Variants in ERC2 observed in about 807,000 individuals in gnomAD.
The protein encoded by ERC2 is ERC protein 2.
ERC2 carries 42 observed loss-of-function variants against 114.8 expected under a neutral mutation model. The ratio of observed to expected loss-of-function variants is 0.37; its 90% CI spans 0.29 to 0.47. The LOEUF is 0.47. ERC2 is among the 20% of genes least tolerant of loss of function. The pLI, the probability that ERC2 is intolerant of heterozygous loss-of-function variation, is 0.99. For missense variants in ERC2, 939 were observed against 1,150.7 expected, an observed-to-expected ratio of 0.82 and a Z score of 2.66; for synonymous variants, 454 against 425.5, an observed-to-expected ratio of 1.07 and a Z score of -0.82.
rs184803044 is a variant in ERC2 at position 55,893,704 on chromosome 3, C to A, written c.2404-5155G>T. 3.2e-3 allele frequency among the ~76,000 whole-genome samples: 489 copies of A among 152,312 alleles called. 3 individuals are homozygous for A. Among genetic ancestry groups the A allele is most frequent in the African/African-American group, 0.011 (462 of 41,574 alleles). ...TCTCTTTCCTCTTTTATTTTCCATT[C>A]ATCACCAACTCCTAGAGCTCTATTT... On this transcript the variant is annotated intron_variant, in intron 13 of 17. Transcript: ENST00000288221.
intron 14 of ERC2, among the ~76,000 whole-genome samples, chr3:55,816,807 C>T (rs2059920437): frequency 6.6e-6 from 1 of 152,090 alleles, no homozygotes; most frequent in Non-Finnish European, 1.5e-5. Flanking sequence ...GCAGGCAAAG[C>T]AGGCCTAAAG....
chr3:55,517,668 C>A (rs955773856), intron 17 of ERC2, among the ~76,000 whole-genome samples: 1 of 152,172 alleles, frequency 6.6e-6, no homozygotes, highest in African/African-American at 2.4e-5. Flanking sequence ...TGGTTCCCAG[C>A]GCCCAGCCAT....
chr3:56,023,786 G>T (rs191110408), intron 7 of ERC2, among the ~76,000 whole-genome samples: 130 of 151,692 alleles, frequency 8.6e-4, no homozygotes, highest in African/African-American at 3.0e-3. Flanking sequence ...AAGGAAGGAA[G>T]GAAGGAAGGA....
At chr3:55,625,755 AG>A (rs1446380734) in intron 17 of ERC2, among the ~76,000 whole-genome samples, 3 of 152,236 alleles carry the variant, frequency 2.0e-5, no homozygotes, top group Non-Finnish European at 2.9e-5. Context: ...CGTCTCAAAA[AG>A]AAAAAAAAGA....
At chr3:56,123,362 C>G (rs1034159277) in intron 6 of ERC2, among the ~76,000 whole-genome samples, 2 of 151,978 alleles carry the variant, frequency 1.3e-5, no homozygotes, top group African/African-American at 4.8e-5. Flanking sequence ...AAGGTGCCAT[C>G]TGTGAACCAG....
At chr3:56,283,113 C>A (rs1359049041) in intron 3 of ERC2, among the ~76,000 whole-genome samples, 1 of 152,202 alleles carries the variant, frequency 6.6e-6, no homozygotes, top group Non-Finnish European at 1.5e-5. Context: ...CCCAACAATA[C>A]CCACTGAGGT....
intron 7 of ERC2, among the ~76,000 whole-genome samples, chr3:56,059,340 C>T (rs536180299): frequency 4.5e-4 from 68 of 152,226 alleles, no homozygotes; most frequent in African/African-American, 1.6e-3. Context: ...CTGCCCACCT[C>T]GGCCTCCCAA....
chr3:56,103,915 G>C (rs992233803), intron 6 of ERC2, among the ~76,000 whole-genome samples: 1 of 152,138 alleles, frequency 6.6e-6, no homozygotes, highest in Non-Finnish European at 1.5e-5. Context: ...ATAGCTGAGT[G>C]TTAAAGAAGG....
chr3:56,285,407 G>A (rs1216258077), intron 3 of ERC2, among the ~76,000 whole-genome samples: 5 of 151,742 alleles, frequency 3.3e-5, no homozygotes, highest in South Asian at 4.2e-4. Flanking sequence ...TCCACTATTC[G>A]ACATCCTGCA....
intron 12 of ERC2, among the ~76,000 whole-genome samples, chr3:55,964,299 C>T (rs749758478): frequency 9.9e-5 from 15 of 152,112 alleles, no homozygotes; most frequent in Admixed American, 5.9e-4. Flanking sequence ...GTTAGGGATG[C>T]AGAATTTGAA....
At position 56,319,240 on chromosome 3, in the gene ERC2, A is replaced by C. The variant is rs192664355; in HGVS notation, c.658-22805T>G. On this transcript the variant is annotated intron_variant, in intron 2 of 17. Transcript: ENST00000288221. ...TAGCCAAGGTCTGGAAATGAAACTAAGTGTTCATAAATGGATGAACGGATA... is the reference window on the plus strand; with the variant it reads ...TAGCCAAGGTCTGGAAATGAAACTACGTGTTCATAAATGGATGAACGGATA... Among the ~76,000 whole-genome samples, 7 of 152,246 alleles carry C rather than the reference A, an allele frequency of 4.6e-5. No individual in the cohort carries two copies. The East Asian group carries it at 1.4e-3, about 29-fold the overall frequency.
rs140981481 is a variant in ERC2, at chr3:55,808,295, C to T, written c.2565-73377G>A. Among the ~76,000 whole-genome samples the T allele has an allele frequency of 6.2e-3, 944 of 152,116 alleles. 15 individuals carry two copies. Among genetic ancestry groups the T allele is most frequent in the African/African-American group, 0.021 (891 of 41,496 alleles). Reference sequence around the variant, plus strand: ...GCCTCTGGACCAAACTCAATGACGGCGTTAATTATTTCTGGTTTGCCTATG... The same window carrying T: ...GCCTCTGGACCAAACTCAATGACGGTGTTAATTATTTCTGGTTTGCCTATG... On this transcript the variant is annotated intron_variant, in intron 14 of 17. Transcript: ENST00000288221.
chr3:56,069,951 A>G (rs1199846799), intron 7 of ERC2, among the ~76,000 whole-genome samples: 1 of 152,240 alleles, frequency 6.6e-6, no homozygotes, highest in East Asian at 1.9e-4. Flanking sequence ...CAAAGACTGC[A>G]GTATCAGAAC....
chr3:55,537,286 C>T (rs1393934316), intron 17 of ERC2, among the ~76,000 whole-genome samples: 1 of 152,204 alleles, frequency 6.6e-6, no homozygotes, highest in Admixed American at 6.5e-5. Context: ...GTCTTAGAAA[C>T]CAGGATAGGT....
At chr3:56,188,161 G>A (rs2083749652) in intron 3 of ERC2, among the ~76,000 whole-genome samples, 1 of 152,150 alleles carries the variant, frequency 6.6e-6, no homozygotes, top group Non-Finnish European at 1.5e-5. Flanking sequence ...AACACAACTT[G>A]AGGGCCACCC....
intron 10 of ERC2, among the ~76,000 whole-genome samples, chr3:56,000,079 T>C (rs2071914190): frequency 6.6e-6 from 1 of 151,922 alleles, no homozygotes; most frequent in Non-Finnish European, 1.5e-5. Context: ...AAATGAGAAC[T>C]TCATATTCAA....
At chr3:55,841,243 C>T (rs983213960) in intron 14 of ERC2, among the ~76,000 whole-genome samples, 41 of 152,104 alleles carry the variant, frequency 2.7e-4, no homozygotes, top group African/African-American at 8.7e-4. Flanking sequence ...AATTCCCATG[C>T]GTTCCATGTG....
intron 17 of ERC2, chr3:55,606,711 T>C (rs2058658392): frequency 6.6e-6 from 1 of 152,026 alleles, no homozygotes; most frequent in Non-Finnish European, 1.5e-5. Flanking sequence ...TTATGCAGAG[T>C]CTCTCTGAAA....
intron 13 of ERC2, among the ~76,000 whole-genome samples, chr3:55,923,562 C>G (rs939836329): frequency 6.6e-6 from 1 of 151,928 alleles, no homozygotes; most frequent in African/African-American, 2.4e-5. Context: ...TAATAGCAAA[C>G]AAGGAATTAT....
Sources: allele counts gnomAD v4.1 joint callset (sites outside exome capture counted in the v4.1 genomes callset), GRCh38; gene constraint gnomAD v4.1.1; transcripts MANE v1.5; gene names NCBI Gene and HGNC (gene_info 2026-07-23, HGNC 2026-07-21).